TPCN1: variants seen among roughly 807,000 people sequenced by gnomAD.
The protein encoded by TPCN1 is two pore channel protein 1.
A neutral mutation model predicts 108.8 loss-of-function variants in TPCN1; 52 were observed. The ratio of observed to expected loss-of-function variants is 0.48; its 90% CI spans 0.38 to 0.60. TPCN1 has a LOEUF of 0.60. Ranked by LOEUF, TPCN1 falls within the 20% of genes least tolerant of loss-of-function variation. The pLI is 0.00. For synonymous variants in TPCN1, 446 were observed against 433.7 expected, an observed-to-expected ratio of 1.03 and a Z score of -0.35; for missense variants, 806 against 1,072.8, an observed-to-expected ratio of 0.75 and a Z score of 3.47.
In TPCN1 at chr12:113,266,380, G is replaced by A. The variant is rs200953769; in HGVS notation, c.414+24G>A. ...ATGTGAGCGCACATGCTCCTCATAC[G>A]GGGGGCTGGGAGCCACGGCTTTCAG... On this transcript the variant is annotated intron_variant, in intron 4 of 27. Transcript: ENST00000335509. This position sits in a 1 kb window ranked among gnomAD's most constrained non-coding sequence, Gnocchi z 4.2. 8.7e-5 allele frequency: 139 copies of A among 1,598,656 alleles called. No homozygotes were observed. Among genetic ancestry groups the A allele is most frequent in the African/African-American group, 9.3e-5 (7 of 74,962 alleles).
chr12:113,257,792 G>C (rs1954879900), intron 2 of TPCN1, among the ~76,000 whole-genome samples: 2 of 152,120 alleles, frequency 1.3e-5, no homozygotes, highest in South Asian at 4.1e-4. Flanking sequence ...ATAAACTGTG[G>C]TATATTTATT....
intron 2 of TPCN1, among the ~76,000 whole-genome samples, chr12:113,248,176 C>T (rs556180202): frequency 3.9e-4 from 59 of 152,390 alleles, no homozygotes; most frequent in African/African-American, 1.3e-3. Flanking sequence ...TGCCCGAGGC[C>T]TGCCAGGCCC....
chr12:113,279,382 TATATATA>T (rs1252910685), intron 14 of TPCN1, among the ~76,000 whole-genome samples: 60 of 36,546 alleles, frequency 1.6e-3, no homozygotes, highest in African/African-American at 6.5e-3. Flanking sequence ...TATATATATA[TATATATA>T]TATTTTTTTT....
intron 2 of TPCN1, among the ~76,000 whole-genome samples, chr12:113,243,133 G>A (rs867577411): frequency 6.6e-6 from 1 of 152,186 alleles, no homozygotes; most frequent in African/African-American, 2.4e-5. Context: ...ATTTTGGGAG[G>A]CTGAGGTGGG....
In TPCN1 at chr12:113,278,189, C is replaced by T; in HGVS notation, c.1185C>T (p.Ser395=). The change falls in exon 13 of 28, where the codon AGC becomes AGT. Residue 395 remains serine (S), a splice_region_variant and synonymous_variant. Transcript: ENST00000335509. The part of the protein sequence containing the change: ...ALNQNNTPLL[S]LKDFYDIYEV... ...TCCCTTTTTATTTTGCTTTTGGTAG[C>T]CTAAAGGACTTTTACGATATCTACG... The T allele has an allele frequency of 1.2e-6, 2 of 1,613,596 alleles. No individual in the cohort carries two copies.
At chr12:113,270,543 C>T (rs1295948818) in intron 7 of TPCN1, among the ~76,000 whole-genome samples, 5 of 151,716 alleles carry the variant, frequency 3.3e-5, no homozygotes, top group African/African-American at 4.8e-5. Flanking sequence ...TGCAGTGGCA[C>T]GATCTCGGCT....
In TPCN1 at chr12:113,288,634, C is replaced by A; in HGVS notation, c.1707-124C>A. ...AGGCCCCTTCCCCGCAGGCACTTTC[C>A]AGTTGGTGAACCGACCAGGGGCATG... On this transcript the variant is annotated intron_variant, in intron 20 of 27. Coordinates refer to ENST00000335509, the MANE Select transcript of TPCN1 (RefSeq NM_017901.6). The surrounding 1 kb of genome is among the most constrained non-coding windows in gnomAD (Gnocchi z 4.8). 6.5e-7 allele frequency: 1 copy of A among 1,534,020 alleles called. No individual in the cohort carries two copies. Among genetic ancestry groups the A allele is most frequent in the Non-Finnish European group, 8.7e-7 (1 of 1,144,404 alleles).
At chr12:113,271,132 T>C (rs569518811) in intron 7 of TPCN1, among the ~76,000 whole-genome samples, 1 of 152,104 alleles carries the variant, frequency 6.6e-6, no homozygotes, top group African/African-American at 2.4e-5. Context: ...TAGCTGGGTA[T>C]GGTGGCATGT....
At position 113,296,233 on chromosome 12, in the gene TPCN1, C is replaced by CA; in HGVS notation, c.*158dup. On this transcript the variant is annotated 3_prime_UTR_variant, in exon 28 of 28. Transcript: ENST00000335509. ...GACAAGATGGGGCTTGGTTTATAAC[C>CA]ACCTTGCCCTGTCTTCCTTAACTCC... is the stretch of plus-strand genomic sequence containing the variant. 8.2e-7 allele frequency: 1 copy of CA among 1,215,782 alleles called. No homozygotes were observed. The highest frequency in any genetic ancestry group is 2.6e-5 in the East Asian group (1 of 38,928). The allele number at this position is 1,215,782 out of a possible 1,614,324, so 75.3% of individuals were successfully genotyped here.
rs1341022476 is a variant in TPCN1, at chr12:113,268,609, G to T, written c.529-133G>T. ...GGGCTGCCTGATGTTGGCAGGAAGTGTGAGAGGGCTGGAGAGAGGAGAAGG... is the reference window on the plus strand; with the variant it reads ...GGGCTGCCTGATGTTGGCAGGAAGTTTGAGAGGGCTGGAGAGAGGAGAAGG... On this transcript the variant is annotated intron_variant, in intron 5 of 27. Coordinates refer to ENST00000335509, the MANE Select transcript of TPCN1 (RefSeq NM_017901.6). This position sits in a 1 kb window ranked among gnomAD's most constrained non-coding sequence, Gnocchi z 7.3. 1 of 1,122,376 alleles carries T rather than the reference G, an allele frequency of 8.9e-7. No homozygotes were observed. The highest frequency in any genetic ancestry group is 1.3e-6 in the Non-Finnish European group (1 of 799,010). The allele number at this position is 1,122,376 out of a possible 1,614,324, so 69.5% of individuals were successfully genotyped here.
At chr12:113,253,145 C>A (rs1256052009) in intron 2 of TPCN1, among the ~76,000 whole-genome samples, 1 of 152,110 alleles carries the variant, frequency 6.6e-6, no homozygotes, top group Non-Finnish European at 1.5e-5. Context: ...CTTCTCTGCA[C>A]CTTAGTTTCC....
Position 113,274,447 on chromosome 12 carries a change from CA to C in TPCN1, c.942+791del, listed in dbSNP as rs962729906. ...TGGGCAACAGCACGAGACTCTGTAT[CA>C]AAAAAAAAAAATTGTTATACTATAT... On this transcript the variant is annotated intron_variant, in intron 10 of 27. Coordinates refer to ENST00000335509, the MANE Select transcript of TPCN1 (RefSeq NM_017901.6). 1.8e-3 allele frequency among the ~76,000 whole-genome samples: 255 copies of C among 139,814 alleles called. 2 individuals carry two copies. Among genetic ancestry groups the C allele is most frequent in the African/African-American group, 3.2e-3 (122 of 38,008 alleles). The allele number at this position is 139,814 out of a possible 152,430, so 91.7% of individuals were successfully genotyped here.
At chr12:113,247,563 AG>A (rs1954446553) in intron 2 of TPCN1, among the ~76,000 whole-genome samples, 2 of 152,240 alleles carry the variant, frequency 1.3e-5, no homozygotes, top group Non-Finnish European at 2.9e-5. Context: ...CAGACAGGGC[AG>A]GGGATTAGCA....
intron 2 of TPCN1, among the ~76,000 whole-genome samples, chr12:113,256,305 A>G (rs1472870848): frequency 2.0e-5 from 3 of 149,448 alleles, no homozygotes; most frequent in Non-Finnish European, 3.0e-5. Flanking sequence ...TTTTTTTTGT[A>G]GAGGTAGGGT....
chr12:113,235,422 C>CT (rs1222329435), intron 2 of TPCN1, among the ~76,000 whole-genome samples: 1 of 151,352 alleles, frequency 6.6e-6, no homozygotes, highest in African/African-American at 2.4e-5. Flanking sequence ...GGGCTGTAAC[C>CT]TTTTTTTATT....
Position 113,278,831 on chromosome 12 carries a change from C to T in TPCN1, c.1293C>T (p.Phe431=), listed in dbSNP as rs1955763043. The T allele has an allele frequency of 1.9e-6, 3 of 1,613,868 alleles. No homozygotes were observed. Among genetic ancestry groups the T allele is most frequent in the Non-Finnish European group, 2.5e-6 (3 of 1,179,880 alleles). ...DELPRTALLI[F]KGINILVKSK... is the part of the protein sequence containing the mutation. ...TTCCCAGGACGGCGCTCCTCATCTT[C>T]AAAGGTAAGTGGGCTTGAGTATGGC... The change falls in exon 14 of 28, where the codon TTC becomes TTT. Residue 431 remains phenylalanine (F), a synonymous_variant. Coordinates refer to ENST00000335509, the MANE Select transcript of TPCN1 (RefSeq NM_017901.6).
chr12:113,228,906 T>C (rs1176155424), intron 2 of TPCN1, among the ~76,000 whole-genome samples: 1 of 152,148 alleles, frequency 6.6e-6, no homozygotes. Flanking sequence ...GTGGCTTGTG[T>C]CTGGAAATAG....
intron 2 of TPCN1, among the ~76,000 whole-genome samples, chr12:113,246,421 C>A (rs921604503): frequency 2.6e-5 from 4 of 152,206 alleles, no homozygotes; most frequent in Admixed American, 6.5e-5. Flanking sequence ...AACAGAGATG[C>A]AGAATACAGT....
At chr12:113,243,148 T>C (rs997971732) in intron 2 of TPCN1, among the ~76,000 whole-genome samples, 8 of 152,122 alleles carry the variant, frequency 5.3e-5, no homozygotes, top group African/African-American at 1.9e-4. Context: ...GGTGGGTGGA[T>C]CACTTGATGT....
Sources: gnomAD v4.1 joint callset for allele counts (sites outside exome capture counted in the v4.1 genomes callset) on GRCh38, gnomAD v4.1.1 for gene constraint, Gnocchi (gnomAD v3.1) non-coding constraint, MANE v1.5 for transcripts, NCBI Gene and HGNC (gene_info 2026-07-23, HGNC 2026-07-21) for gene names.